TECTA: variants seen among roughly 807,000 people sequenced by gnomAD.
TECTA encodes the protein tectorin alpha, also known as alpha-tectorin.
In TECTA, 128 loss-of-function variants were observed where a neutral mutation model predicts 216.8. The ratio of observed to expected loss-of-function variants is 0.59; its 90% CI spans 0.51 to 0.68. The LOEUF is 0.68. Ranked by LOEUF, TECTA falls within the 30% of genes least tolerant of loss-of-function variation. TECTA has a pLI of 0.00. For missense variants in TECTA, 2,551 were observed against 2,786.2 expected (o/e 0.92, Z 1.90); for synonymous variants, 1,089 against 1,117.1 (o/e 0.97, Z 0.50).
chr11:121,129,840 G>T lies in TECTA; in HGVS notation c.2570G>T (p.Ser857Ile), dbSNP rs1946653650. 2 of 1,614,254 alleles carry T rather than the reference G, an allele frequency of 1.2e-6. No homozygotes were observed. The highest frequency in any genetic ancestry group is 1.3e-5 in the African/African-American group (1 of 75,070). Residue 857 changes from serine (S) to isoleucine (I), a missense_variant, in exon 10 of 24, where the codon AGT becomes ATT. By Grantham distance (142) the Ser-to-Ile change is moderately radical. Coordinates refer to ENST00000392793, the MANE Select transcript of TECTA (RefSeq NM_005422.4). ...TGCGGCTTCTACAATGCCAACGCCAGTGACGAGTTCTGTCTCCCCAACGGC... is the reference window on the plus strand; with the variant it reads ...TGCGGCTTCTACAATGCCAACGCCATTGACGAGTTCTGTCTCCCCAACGGC... ...GLCGFYNANA[S>I]DEFCLPNGKC...
At chr11:121,108,709 A>G (rs1249494142) in intron 3 of TECTA, among the ~76,000 whole-genome samples, 2 of 149,302 alleles carry the variant, frequency 1.3e-5, no homozygotes, top group East Asian at 4.0e-4. Context: ...ATACACACAC[A>G]CATACCCCCA....
At chr11:121,189,415 C>G (rs1947319603) in intron 22 of TECTA, among the ~76,000 whole-genome samples, 1 of 151,894 alleles carries the variant, frequency 6.6e-6, no homozygotes, top group South Asian at 2.1e-4. Context: ...TCTCTGTCGC[C>G]CAAGCTGGAG....
At chr11:121,184,199 A>C (rs941378316) in intron 20 of TECTA, among the ~76,000 whole-genome samples, 21 of 152,264 alleles carry the variant, frequency 1.4e-4, no homozygotes, top group African/African-American at 4.8e-4. Flanking sequence ...TTACAACACC[A>C]AATCACAGGA....
chr11:121,184,445 T>G (rs1947261182), intron 20 of TECTA, among the ~76,000 whole-genome samples: 1 of 152,174 alleles, frequency 6.6e-6, no homozygotes, highest in Non-Finnish European at 1.5e-5. Flanking sequence ...CTTCATTTGG[T>G]GGGTAGGGTT....
chr11:121,144,519 G>A (rs11218160), intron 11 of TECTA, among the ~76,000 whole-genome samples: 38,653 of 152,012 alleles, frequency 0.25, 6,017 homozygotes, highest in African/African-American at 0.43. Context: ...TCTCCCACAA[G>A]GCAAACCACC....
rs547445413 is a variant in TECTA, at chr11:121,189,460, G to T, written c.6250+293G>T. 6.6e-5 allele frequency among the ~76,000 whole-genome samples: 10 copies of T among 151,256 alleles called. No individual in the cohort carries two copies. The South Asian group carries it at 2.1e-3, about 32-fold the overall frequency. ...GCAATCTTGGCTCACTGCAAGCTCCGCCTCCCGGGTTCACGCCATTCTCCT... is the reference window on the plus strand; with the variant it reads ...GCAATCTTGGCTCACTGCAAGCTCCTCCTCCCGGGTTCACGCCATTCTCCT... On this transcript the variant is annotated intron_variant, in intron 22 of 23. Coordinates refer to ENST00000392793, the MANE Select transcript of TECTA (RefSeq NM_005422.4).
chr11:121,109,775 A>G (rs1251267512), intron 4 of TECTA: 6 of 442,796 alleles, frequency 1.4e-5, no homozygotes, highest in Non-Finnish European at 2.5e-5. Flanking sequence ...GCTGTAAGTG[A>G]CATTGCTGTT....
In TECTA at chr11:121,137,705, C is replaced by A. The variant is rs1946744950; in HGVS notation, c.3226C>A (p.Pro1076Thr). The change falls in exon 11 of 24, where the codon CCC becomes ACC. Residue 1076 changes from proline to threonine, a missense_variant. By Grantham distance (38) the Pro-to-Thr change is conservative (BLOSUM62 -1). Coordinates refer to ENST00000392793, the MANE Select transcript of TECTA (RefSeq NM_005422.4). ...CAACAGGGTCCACTGCGAGACCATT[C>A]CCTGCAAGGATGATGAGTACTGCAT... ...TDNRVHCETI[P>T]CKDDEYCMEE... 6.2e-7 allele frequency: 1 copy of A among 1,614,000 alleles called. No homozygotes were observed. Among genetic ancestry groups the A allele is most frequent in the Non-Finnish European group, 8.5e-7 (1 of 1,180,046 alleles).
rs572994882 is a variant in TECTA, at chr11:121,155,219, G to A, written c.4305+2139G>A. Among the ~76,000 whole-genome samples the A allele has an allele frequency of 1.4e-3, 207 of 152,318 alleles. 1 individual carries two copies. Among genetic ancestry groups the A allele is most frequent in the African/African-American group, 4.8e-3 (201 of 41,560 alleles). On this transcript the variant is annotated intron_variant, in intron 13 of 23. Coordinates refer to ENST00000392793, the MANE Select transcript of TECTA (RefSeq NM_005422.4). ...GTATGATTCAAGTAAAGAAAGCAGC[G>A]TTGGGCCAGCCATTTTACCGTGATG...
rs1386946310 is a variant in TECTA, at chr11:121,187,841, C to T, written c.6009C>T (p.Asn2003=). 6.2e-7 allele frequency: 1 copy of T among 1,614,216 alleles called. No individual in the cohort carries two copies. The highest frequency in any genetic ancestry group is 2.2e-5 in the East Asian group (1 of 44,894). The change falls in exon 21 of 24, where the codon AAC becomes AAT. Residue 2003 remains asparagine, a synonymous_variant. Transcript: ENST00000392793. ...RYFIIEGGCQ[N]LKDNTIGIEE... ...TATTTTTTCTGAATAGGTGTCAGAACCTCAAAGATAACACCATTGGCATCG... is the reference window on the plus strand; with the variant it reads ...TATTTTTTCTGAATAGGTGTCAGAATCTCAAAGATAACACCATTGGCATCG...
At position 121,113,151 on chromosome 11, in the gene TECTA, C is replaced by T; in HGVS notation, c.566C>T (p.Thr189Ile). 1.2e-6 allele frequency: 2 copies of T among 1,614,106 alleles called. No individual in the cohort carries two copies. The highest frequency in any genetic ancestry group is 1.7e-6 in the Non-Finnish European group (2 of 1,180,028). The change falls in exon 5 of 24, where the codon ACC becomes ATC. Residue 189 changes from threonine to isoleucine, a missense_variant. Thr to Ile is a moderately conservative substitution (Grantham distance 89). Transcript: ENST00000392793. This position sits in a 1 kb window ranked among gnomAD's most constrained non-coding sequence, Gnocchi z 4.2. ...TLFNYYEINW[T>I]TGTASGGDPL... ...TTCAATTATTACGAAATCAACTGGA[C>T]CACGGGGACGGCGAGTGGCGGCGAC...
In TECTA at chr11:121,137,415, C is replaced by T. The variant is rs188326160; in HGVS notation, c.2942-6C>T. 6.2e-7 allele frequency: 1 copy of T among 1,613,950 alleles called. No individual in the cohort carries two copies. Among genetic ancestry groups the T allele is most frequent in the Admixed American group, 1.7e-5 (1 of 60,010 alleles). ...TCAAACCCGTCTTCTCCTTGACCAC[C>T]TGCAGCACTGGAGTGCCCAGAGAAC... On this transcript the variant is annotated splice_polypyrimidine_tract_variant and splice_region_variant and intron_variant, in intron 10 of 23. Coordinates refer to ENST00000392793, the MANE Select transcript of TECTA (RefSeq NM_005422.4).
At chr11:121,125,198 C>G (rs1465153244) in intron 7 of TECTA, 104 bp from the exon 8 acceptor site, 1 of 1,203,222 alleles carries the variant, frequency 8.3e-7, no homozygotes, top group East Asian at 2.3e-5. Flanking sequence ...GGTGGCCATT[C>G]TCTCTGGAGT....
rs770608150 is a variant in TECTA at position 121,113,667 on chromosome 11, T to C, written c.739T>C (p.Phe247Leu). ...TNVNVPGRWA[F>L]KVDGKEIDPA... ...CGTCAATGTTCCAGGCCGCTGGGCA[T>C]TTAAAGTTGATGGAAAGGAAATTGA... is the stretch of plus-strand genomic sequence containing the variant. The change falls in exon 6 of 24, where the codon TTT becomes CTT. Residue 247 changes from phenylalanine (F) to leucine (L), a missense_variant. Physicochemically the swap from Phe to Leu is conservative, Grantham distance 22. This residue lies in a region of TECTA where 2,375 missense variants were observed against 2,563.9 expected (regional missense o/e 0.93). Transcript: ENST00000392793. This position sits in a 1 kb window ranked among gnomAD's most constrained non-coding sequence, Gnocchi z 4.2. 1.1e-5 allele frequency: 18 copies of C among 1,613,494 alleles called. No individual in the cohort carries two copies. Among genetic ancestry groups the C allele is most frequent in the Middle Eastern group, 1.6e-4 (1 of 6,066 alleles).
chr11:121,102,948 T>C (rs1358360823), intron 2 of TECTA, among the ~76,000 whole-genome samples: 1 of 152,234 alleles, frequency 6.6e-6, no homozygotes, highest in African/African-American at 2.4e-5. Flanking sequence ...TCAAATACTA[T>C]TTGTATGTAC....
At chr11:121,108,055 CTG>C (rs1189455222) in intron 3 of TECTA, among the ~76,000 whole-genome samples, 2 of 152,128 alleles carry the variant, frequency 1.3e-5, no homozygotes, top group Admixed American at 1.3e-4. Context: ...TCATCAGAGA[CTG>C]GAGTTGGATG....
At chr11:121,172,800 C>T (rs1369260764) in intron 20 of TECTA, among the ~76,000 whole-genome samples, 1 of 152,074 alleles carries the variant, frequency 6.6e-6, no homozygotes, top group African/African-American at 2.4e-5. Context: ...TTTACAGTCC[C>T]ACCAACAGTG....
intron 20 of TECTA, among the ~76,000 whole-genome samples, chr11:121,178,271 C>T (rs981785296): frequency 7.9e-5 from 12 of 152,348 alleles, no homozygotes; most frequent in South Asian, 4.1e-4. Flanking sequence ...TCTTCTGCGT[C>T]GCTCACGCTG....
chr11:121,108,685 C>T (rs1363399650), intron 3 of TECTA, among the ~76,000 whole-genome samples: 2 of 150,244 alleles, frequency 1.3e-5, no homozygotes, highest in Non-Finnish European at 3.0e-5. Flanking sequence ...AGTATACACA[C>T]ACACCTCACC....
Sources: gnomAD v4.1 joint callset for allele counts (sites outside exome capture counted in the v4.1 genomes callset) on GRCh38, gnomAD v4.1.1 for gene constraint, gnomAD v4.1.1 regional missense constraint, Gnocchi (gnomAD v3.1) non-coding constraint, MANE v1.5 for transcripts, NCBI Gene and HGNC (gene_info 2026-07-23, HGNC 2026-07-21) for gene names.